Variants in FOCAD observed in about 807,000 individuals in gnomAD.
FOCAD encodes KIAA1797.
In FOCAD, 198 loss-of-function variants were observed where a neutral mutation model predicts 225.6. That is an observed-to-expected ratio of 0.88 (90% CI 0.78 to 0.99). FOCAD has a LOEUF of 0.99. FOCAD is among the 50% of genes least tolerant of loss of function. The pLI is 0.00. For synonymous variants in FOCAD, 897 were observed against 755.0 expected (o/e 1.19, Z -3.08); for missense variants, 2,713 against 2,123.6 (o/e 1.28, Z -5.46).
chr9:20,792,945 G>T (rs1246589206), intron 11 of FOCAD, among the ~76,000 whole-genome samples: 1 of 152,112 alleles, frequency 6.6e-6, no homozygotes, highest in East Asian at 1.9e-4. Flanking sequence ...AAATTTAATG[G>T]TCTGTAAGTT....
intron 2 of FOCAD, among the ~76,000 whole-genome samples, chr9:20,675,092 T>A (rs572449856): frequency 1.5e-4 from 23 of 152,226 alleles, no homozygotes; most frequent in Non-Finnish European, 3.1e-4. Flanking sequence ...AAAAAGTTTT[T>A]CTTCTATAAA....
intron 11 of FOCAD, among the ~76,000 whole-genome samples, chr9:20,815,453 G>A (rs559508512): frequency 1.1e-4 from 16 of 151,570 alleles, no homozygotes; most frequent in East Asian, 3.9e-4. Flanking sequence ...CCTCTCCTTC[G>A]TTTTTGAAGG....
At chr9:20,656,310 G>A (rs1821473741), upstream of FOCAD, among the ~76,000 whole-genome samples, 1 of 151,896 alleles carries the variant, frequency 6.6e-6, no homozygotes, top group African/African-American at 2.4e-5. Flanking sequence ...GTGCAAAGCT[G>A]AGTTCAATTC....
intron 1 of FOCAD, among the ~76,000 whole-genome samples, chr9:20,711,805 A>G (rs1199670560): frequency 6.6e-6 from 1 of 152,208 alleles, no homozygotes; most frequent in Non-Finnish European, 1.5e-5. Context: ...CCAGATGACG[A>G]CTGATAGCTG....
chr9:20,799,827 GGAGCATTTAGCCCATTTACA>G (rs1821587364), intron 11 of FOCAD, among the ~76,000 whole-genome samples: 1 of 152,026 alleles, frequency 6.6e-6, no homozygotes, highest in Non-Finnish European at 1.5e-5. Context: ...TCTTTTAATT[GGAGCATTTAGCCCATTTACA>G]TTTAAGGTTA....
chr9:20,861,206 G>A (rs1013281734), intron 15 of FOCAD, among the ~76,000 whole-genome samples: 1 of 152,082 alleles, frequency 6.6e-6, no homozygotes, highest in Non-Finnish European at 1.5e-5. Context: ...ATAATTTAGA[G>A]TGATGTATCT....
intron 27 of FOCAD, among the ~76,000 whole-genome samples, chr9:20,930,114 T>C (rs1346757164): frequency 6.6e-6 from 1 of 152,164 alleles, no homozygotes; most frequent in African/African-American, 2.4e-5. Flanking sequence ...ATTTTTATAA[T>C]CCTTAAAGAG....
chr9:20,837,553 T>G (rs1406261294), intron 15 of FOCAD, among the ~76,000 whole-genome samples: 8 of 151,698 alleles, frequency 5.3e-5, no homozygotes, highest in Admixed American at 1.3e-4. Flanking sequence ...GGTTTTTTTT[T>G]GGGAGGGGGG....
intron 18 of FOCAD, among the ~76,000 whole-genome samples, chr9:20,872,440 A>T (rs1248345684): frequency 4.6e-5 from 7 of 152,070 alleles, no homozygotes; most frequent in African/African-American, 1.4e-4. Context: ...CATAGTTTGC[A>T]CAGCACTTTA....
intron 1 of FOCAD, among the ~76,000 whole-genome samples, chr9:20,712,104 A>G (rs1001902462): frequency 2.0e-5 from 3 of 152,008 alleles, no homozygotes; most frequent in Admixed American, 2.0e-4. Context: ...CATTATTTAT[A>G]TCTCCACTAC....
intron 2 of FOCAD, among the ~76,000 whole-genome samples, chr9:20,671,877 T>C (rs1822073845): frequency 1.3e-5 from 2 of 152,192 alleles, no homozygotes. Context: ...TGAGAGCTAA[T>C]TGTGTACACC....
chr9:20,946,112 CA>C (rs1837154266), intron 29 of FOCAD, among the ~76,000 whole-genome samples: 1 of 151,818 alleles, frequency 6.6e-6, no homozygotes, highest in African/African-American at 2.4e-5. Flanking sequence ...TTCATTCATT[CA>C]TTCATTCATC....
chr9:20,728,525 T>C (rs528157046), intron 4 of FOCAD, among the ~76,000 whole-genome samples: 1 of 152,310 alleles, frequency 6.6e-6, no homozygotes, highest in South Asian at 2.1e-4. Context: ...ATTTAGGATT[T>C]TGGATTTGTT....
intron 15 of FOCAD, among the ~76,000 whole-genome samples, chr9:20,849,272 C>G (rs1026801358): frequency 6.6e-6 from 1 of 151,736 alleles, no homozygotes; most frequent in Non-Finnish European, 1.5e-5. Context: ...CCCTTTGTTT[C>G]CTCTTGTTTT....
chr9:20,691,543 G>A (rs566690495), intron 1 of FOCAD, among the ~76,000 whole-genome samples: 13 of 150,160 alleles, frequency 8.7e-5, no homozygotes, highest in South Asian at 2.1e-4. Context: ...GTGCAGTGGC[G>A]TCATCTCGGC....
intron 2 of FOCAD, among the ~76,000 whole-genome samples, chr9:20,671,505 A>G (rs1181999894): frequency 6.6e-6 from 1 of 152,204 alleles, no homozygotes; most frequent in African/African-American, 2.4e-5. Context: ...ACTACAGGAG[A>G]GCAGAATATC....
At position 20,823,049 on chromosome 9, in the gene FOCAD, C is replaced by T; in HGVS notation, c.1854C>T (p.Thr618=). 1 of 1,609,606 alleles carries T rather than the reference C, an allele frequency of 6.2e-7. No individual in the cohort carries two copies. Among genetic ancestry groups the T allele is most frequent in the South Asian group, 1.1e-5 (1 of 90,580 alleles). ...AAISQVLNEC[T]KPDQATPAAL... Reference sequence around the variant, plus strand: ...TTTCTCAAGTGTTGAATGAATGCACCAAGCCTGATCAAGCTACTCCAGCAG... The same window carrying T: ...TTTCTCAAGTGTTGAATGAATGCACTAAGCCTGATCAAGCTACTCCAGCAG... Residue 618 remains threonine (T), a synonymous_variant, in exon 15 of 44, where the codon ACC becomes ACT. Coordinates refer to ENST00000338382, the MANE Select transcript of FOCAD (RefSeq NM_001375567.1).
chr9:20,895,791 T>G (rs1236024913), intron 21 of FOCAD, among the ~76,000 whole-genome samples: 2 of 151,894 alleles, frequency 1.3e-5, no homozygotes, highest in Non-Finnish European at 2.9e-5. Flanking sequence ...TCAGATTTTC[T>G]ATATAGACAC....
chr9:20,802,633 A>G (rs1327603983), intron 11 of FOCAD, among the ~76,000 whole-genome samples: 1 of 152,172 alleles, frequency 6.6e-6, no homozygotes, highest in Non-Finnish European at 1.5e-5. Flanking sequence ...ATTTTCCAAT[A>G]TTGTCATATG....
Sources: allele counts gnomAD v4.1 joint callset (sites outside exome capture counted in the v4.1 genomes callset), GRCh38; gene constraint gnomAD v4.1.1; transcripts MANE v1.5; gene names NCBI Gene and HGNC (gene_info 2026-07-23, HGNC 2026-07-21).